COL9A1: variants seen among roughly 807,000 people sequenced by gnomAD.
The protein encoded by COL9A1 is collagen type IX alpha 1 chain.
In COL9A1, 104 loss-of-function variants were observed where a neutral mutation model predicts 142.6. That is an observed-to-expected ratio of 0.73 (90% confidence interval 0.62 to 0.86). The LOEUF (loss-of-function observed/expected upper bound fraction) is 0.86. COL9A1 is among the 40% of genes least tolerant of loss of function. COL9A1 has a pLI of 0.00. For synonymous variants in COL9A1, 466 were observed against 396.0 expected, an observed-to-expected ratio of 1.18 and a Z score of -2.10; for missense variants, 1,210 against 1,176.6, an observed-to-expected ratio of 1.03 and a Z score of -0.42.
intron 6 of COL9A1, chr6:70,283,364 T>A (rs1168422144): frequency 2.3e-6 from 2 of 869,432 alleles, no homozygotes; most frequent in Non-Finnish European, 3.4e-6. Context: ...CTCCATCCCA[T>A]CCACCCCAGT....
intron 5 of COL9A1, among the ~76,000 whole-genome samples, chr6:70,287,238 A>G (rs973949982): frequency 1.3e-5 from 2 of 152,166 alleles, no homozygotes; most frequent in African/African-American, 4.8e-5. Context: ...TATAGAGAAG[A>G]GACCAAATTT....
At chr6:70,232,363 T>A (rs1452190482) in intron 36 of COL9A1, among the ~76,000 whole-genome samples, 1 of 152,206 alleles carries the variant, frequency 6.6e-6, no homozygotes, top group Non-Finnish European at 1.5e-5. Context: ...GACACGGGAC[T>A]TTAATTCTAG....
intron 28 of COL9A1, among the ~76,000 whole-genome samples, chr6:70,244,249 C>T (rs1301358113): frequency 2.6e-5 from 4 of 152,142 alleles, no homozygotes; most frequent in Non-Finnish European, 5.9e-5. Flanking sequence ...TGGTATATGA[C>T]TTTGGGATGA....
At chr6:70,242,581 TA>T in intron 29 of COL9A1, 80 bp downstream of exon 29, 1 of 1,210,390 alleles carries the variant, frequency 8.3e-7, no homozygotes, top group East Asian at 2.3e-5. Context: ...AATTCAATTG[TA>T]AATTGTTTTC....
chr6:70,266,684 A>C, intron 18 of COL9A1, 33 bp downstream of exon 18: 2 of 1,554,098 alleles, frequency 1.3e-6, no homozygotes, highest in South Asian at 2.2e-5. Flanking sequence ...ACTCCTAATC[A>C]CAATTTATCC....
intron 28 of COL9A1, among the ~76,000 whole-genome samples, chr6:70,250,540 A>T (rs1027075294): frequency 6.6e-6 from 1 of 152,222 alleles, no homozygotes; most frequent in African/African-American, 2.4e-5. Flanking sequence ...AACCTCAGGA[A>T]ACCACCTGGT....
In COL9A1 at chr6:70,266,762, T is replaced by C; in HGVS notation, c.1296A>G (p.Lys432=). ...YPGLPGMRGH[K]GAKGEIGEPG... ...GTTCACCAATTTCTCCTTTAGCCCCTTTATGACCCTAACAAATGCAAAATA... is the reference window on the plus strand; with the variant it reads ...GTTCACCAATTTCTCCTTTAGCCCCCTTATGACCCTAACAAATGCAAAATA... The change falls in exon 18 of 38, where the codon AAA becomes AAG. Residue 432 remains lysine (K), a synonymous_variant. Coordinates refer to ENST00000357250, the MANE Select transcript of COL9A1 (RefSeq NM_001851.6). 1 of 1,613,288 alleles carries C rather than the reference T, an allele frequency of 6.2e-7. No individual in the cohort carries two copies. Among genetic ancestry groups the C allele is most frequent in the Non-Finnish European group, 8.5e-7 (1 of 1,179,296 alleles).
rs1771616551 is a variant in COL9A1 at position 70,260,640 on chromosome 6, T to C, written c.1449+17A>G. 3 of 1,611,868 alleles carry C rather than the reference T, an allele frequency of 1.9e-6. No homozygotes were observed. Among genetic ancestry groups the C allele is most frequent in the Non-Finnish European group, 2.5e-6 (3 of 1,178,350 alleles). ...TTAACACATTTTGGTATTATATTAT[T>C]GTCATCACCATCTTACTTTTTCCCC... On this transcript the variant is annotated intron_variant, in intron 20 of 37. Transcript: ENST00000357250.
chr6:70,268,846 A>G lies in COL9A1; in HGVS notation c.1245T>C (p.Cys415=), dbSNP rs1256850206. ...CTGGATATCCTGAGCGACCTGGTGG[A>G]CAGGCATTGGGACACTGCCAGGGAG... ...HDGDPLCPNA[C]PPGRSGYPGL... The change falls in exon 17 of 38, where the codon TGT becomes TGC. Residue 415 remains cysteine, a synonymous_variant. Coordinates refer to ENST00000357250, the MANE Select transcript of COL9A1 (RefSeq NM_001851.6). The G allele has an allele frequency of 1.2e-6, 2 of 1,613,816 alleles. No individual in the cohort carries two copies. Among genetic ancestry groups the G allele is most frequent in the Admixed American group, 1.7e-5 (1 of 59,996 alleles).
chr6:70,248,079 A>G (rs1770711105), intron 28 of COL9A1, among the ~76,000 whole-genome samples: 1 of 152,228 alleles, frequency 6.6e-6, no homozygotes. Flanking sequence ...CGAGAGCAGA[A>G]TGAACACAAC....
chr6:70,263,434 T>C, intron 18 of COL9A1, 137 bp from the exon 19 acceptor site: 1 of 655,088 alleles, frequency 1.5e-6, no homozygotes, highest in Non-Finnish European at 2.6e-6. Flanking sequence ...TTAAATTATT[T>C]ATATGGGTAG....
At chr6:70,218,425 G>A (rs967794265) in intron 37 of COL9A1, among the ~76,000 whole-genome samples, 6 of 152,130 alleles carry the variant, frequency 3.9e-5, no homozygotes, top group African/African-American at 1.4e-4. Context: ...ATAACAAAGA[G>A]GAATTTCTGC....
chr6:70,277,402 C>T (rs1019540913), intron 10 of COL9A1, among the ~76,000 whole-genome samples: 4 of 151,078 alleles, frequency 2.6e-5, no homozygotes, highest in African/African-American at 7.3e-5. Context: ...AATATACAGA[C>T]CACACACATA....
chr6:70,225,361 C>A (rs1769162903), intron 37 of COL9A1, among the ~76,000 whole-genome samples: 1 of 152,150 alleles, frequency 6.6e-6, no homozygotes, highest in Non-Finnish European at 1.5e-5. Flanking sequence ...GCCCTTCACA[C>A]AAGGGCTACC....
chr6:70,231,008 T>C (rs1189836300), intron 36 of COL9A1, among the ~76,000 whole-genome samples: 9 of 152,180 alleles, frequency 5.9e-5, no homozygotes, highest in African/African-American at 1.9e-4. Flanking sequence ...AGTCATTCCC[T>C]TTCAGTAGGA....
chr6:70,284,292 G>A (rs1461179549), intron 5 of COL9A1, among the ~76,000 whole-genome samples: 1 of 151,996 alleles, frequency 6.6e-6, no homozygotes. Flanking sequence ...AAAAAAAGTG[G>A]CAATCAGAAG....
intron 12 of COL9A1, among the ~76,000 whole-genome samples, chr6:70,273,638 C>T (rs1054859907): frequency 4.6e-5 from 7 of 151,916 alleles, no homozygotes; most frequent in African/African-American, 7.3e-5. Context: ...TCTGATTAGT[C>T]GATATTTCAT....
At chr6:70,282,004 G>T (rs560311090) in intron 7 of COL9A1, among the ~76,000 whole-genome samples, 7 of 152,204 alleles carry the variant, frequency 4.6e-5, no homozygotes, top group Non-Finnish European at 1.0e-4. Context: ...CCTCATTTCA[G>T]TTTTACCTGC....
intron 17 of COL9A1, among the ~76,000 whole-genome samples, 169 bp downstream of exon 17, chr6:70,268,635 G>A (rs1202287621): frequency 1.3e-5 from 2 of 152,128 alleles, no homozygotes; most frequent in South Asian, 2.1e-4. Context: ...TGTCTTGGTA[G>A]GAATACAGGA....
Sources: gnomAD v4.1 joint callset for allele counts (sites outside exome capture counted in the v4.1 genomes callset) on GRCh38, gnomAD v4.1.1 for gene constraint, MANE v1.5 for transcripts, NCBI Gene and HGNC (gene_info 2026-07-23, HGNC 2026-07-21) for gene names.